ADA2: variants seen among roughly 807,000 people sequenced by gnomAD.
ADA2 encodes adenosine deaminase 2.
ADA2 carries 29 observed loss-of-function variants against 44.2 expected under a neutral mutation model. The ratio of observed to expected loss-of-function variants is 0.66; its 90% CI spans 0.49 to 0.89. ADA2 has a LOEUF of 0.89. Ranked by LOEUF, ADA2 falls within the 40% of genes least tolerant of loss-of-function variation. ADA2 has a pLI of 0.00. For synonymous variants in ADA2, 215 were observed against 234.9 expected, an observed-to-expected ratio of 0.92 and a Z score of 0.77; for missense variants, 637 against 644.8, an observed-to-expected ratio of 0.99 and a Z score of 0.13.
intron 3 of ADA2, among the ~76,000 whole-genome samples, chr22:17,204,516 A>G (rs147459014): frequency 1.4e-3 from 220 of 152,172 alleles, no homozygotes; most frequent in African/African-American, 5.2e-3. Flanking sequence ...CTAGGGAGGC[A>G]AGAGAATTGT....
intron 4 of ADA2, among the ~76,000 whole-genome samples, chr22:17,195,091 C>G (rs2062173118): frequency 6.6e-6 from 1 of 152,176 alleles, no homozygotes; most frequent in South Asian, 2.1e-4. Flanking sequence ...CCTAGAAGCC[C>G]AAACCCCTTT....
At chr22:17,203,901 A>T in intron 3 of ADA2, 128 bp from the exon 4 acceptor site, 4 of 668,376 alleles carry the variant, frequency 6.0e-6, no homozygotes, top group Non-Finnish European at 1.1e-5. Context: ...TAGAGTGGAG[A>T]TAAGGAAGGG....
chr22:17,188,685 C>A, intron 6 of ADA2: 1 of 292,242 alleles, frequency 3.4e-6, no homozygotes, highest in South Asian at 5.2e-5. Context: ...CGAGACCATC[C>A]TGGCTAACAC....
chr22:17,196,195 G>T (rs973508061), intron 4 of ADA2, among the ~76,000 whole-genome samples: 1 of 151,718 alleles, frequency 6.6e-6, no homozygotes, highest in African/African-American at 2.4e-5. Flanking sequence ...ACAAAAATTT[G>T]CTGTAATCCC....
At position 17,207,518 on chromosome 22, in the gene ADA2, G is replaced by A. The variant is rs1413293809; in HGVS notation, c.323-228C>T. Among the ~76,000 whole-genome samples, 7 of 151,964 alleles carry A rather than the reference G, an allele frequency of 4.6e-5. No homozygotes were observed. The East Asian group carries it at 1.2e-3, about 25-fold the overall frequency. On this transcript the variant is annotated intron_variant, in intron 2 of 9. Transcript: ENST00000399837. ...GTGTGGATCACAAGAAGACGTGCAA[G>A]CAGAAGGATTTCTGTCCAGACATGT...
chr22:17,202,736 AC>A (rs1330415424), intron 4 of ADA2, among the ~76,000 whole-genome samples: 1 of 147,750 alleles, frequency 6.8e-6, no homozygotes, highest in East Asian at 2.0e-4. Flanking sequence ...CCAATTCATC[AC>A]CTGTATTTCA....
At chr22:17,209,830 A>ATTC (rs2062399135) in intron 1 of ADA2, 107 bp from the exon 2 acceptor site, 2 of 636,038 alleles carry the variant, frequency 3.1e-6, no homozygotes, top group Admixed American at 5.9e-5. Flanking sequence ...ATATTGAAGG[A>ATTC]TTCTTCTTCC....
chr22:17,202,062 C>T (rs765891143), intron 4 of ADA2, among the ~76,000 whole-genome samples: 2 of 149,684 alleles, frequency 1.3e-5, no homozygotes, highest in African/African-American at 2.5e-5. Flanking sequence ...AGCTCCTCCC[C>T]CTGGGTTCAA....
chr22:17,189,274 C>A (rs1307985334), intron 6 of ADA2, among the ~76,000 whole-genome samples: 1 of 152,074 alleles, frequency 6.6e-6, no homozygotes, highest in Non-Finnish European at 1.5e-5. Flanking sequence ...GTCTCGCCCT[C>A]CCAAAGTGCT....
chr22:17,199,416 T>TCCTCCCTCCCCTCCTCTAATCCTCTTCC (rs2062241478), intron 4 of ADA2: 1 of 403,922 alleles, frequency 2.5e-6, no homozygotes, highest in African/African-American at 2.5e-5. Flanking sequence ...TCTCAGCGTC[T>TCCTCCCTCCCCTCCTCTAATCCTCTTCC]CCTCCCTCCC....
intron 7 of ADA2, among the ~76,000 whole-genome samples, chr22:17,186,958 C>A (rs1436058641): frequency 6.6e-6 from 1 of 151,690 alleles, no homozygotes; most frequent in Admixed American, 6.6e-5. Flanking sequence ...CAAGGTCAGG[C>A]GATCGAGACC....
intron 1 of ADA2, chr22:17,213,725 G>A (rs1177013922): frequency 1.6e-5 from 4 of 244,752 alleles, no homozygotes; most frequent in Non-Finnish European, 3.3e-5. Flanking sequence ...AGGAGAAGCG[G>A]CAATGGAAAG....
chr22:17,188,631 G>C, intron 6 of ADA2, 184 bp from the exon 7 acceptor site: 1 of 448,692 alleles, frequency 2.2e-6, no homozygotes, highest in Non-Finnish European at 4.0e-6. Context: ...TGTAATCCCA[G>C]CACTTTGGGA....
rs1449039285 is a variant in ADA2 at position 17,182,091 on chromosome 22, A to T, written c.1240-69T>A. The T allele has an allele frequency of 1.3e-4, 170 of 1,285,736 alleles. 1 individual carries two copies. The highest frequency in any genetic ancestry group is 3.3e-6 in the Non-Finnish European group (3 of 904,628). The allele number at this position is 1,285,736 out of a possible 1,614,324, so 79.6% of individuals were successfully genotyped here. ...AAAAAGAGTAGTCACAAGTGAGGTG[A>T]GACCTTGAGCCCCATCAGCTCCCTT... is the stretch of plus-strand genomic sequence containing the variant. On this transcript the variant is annotated intron_variant, in intron 8 of 9. Transcript: ENST00000399837.
rs757225675 is a variant in ADA2, at chr22:17,209,446, G to A, written c.232C>T (p.Leu78=). 1.9e-6 allele frequency: 3 copies of A among 1,614,152 alleles called. No homozygotes were observed. The highest frequency in any genetic ancestry group is 1.1e-5 in the South Asian group (1 of 91,070). The part of the protein sequence containing the change: ...IAEMKEAMRT[L]IFPPSMHFFQ... ...AAGTGCATGCTGGGTGGGAATATCA[G>A]GGTCCTCATGGCCTCCTTCATCTCA... is the stretch of plus-strand genomic sequence containing the variant. Residue 78 remains leucine (L), a synonymous_variant, in exon 2 of 10, where the codon CTG becomes TTG. Coordinates refer to ENST00000399837, the MANE Select transcript of ADA2 (RefSeq NM_001282225.2).
intron 1 of ADA2, among the ~76,000 whole-genome samples, chr22:17,218,364 T>C (rs2062492707): frequency 6.6e-6 from 1 of 152,176 alleles, no homozygotes; most frequent in Non-Finnish European, 1.5e-5. Context: ...ATCAGCAATA[T>C]GCAGTTATGG....
chr22:17,207,093 T>C lies in ADA2; in HGVS notation c.520A>G (p.Asn174Asp). The change falls in exon 3 of 10, where the codon AAC becomes GAC. Residue 174 changes from asparagine (N) to aspartate (D), a missense_variant. Transcript: ENST00000399837. ...LLEDYRKRVQ[N>D]VTEFDDSLLR... is the part of the protein sequence containing the mutation. ...CACCTGTCATCAAACTCAGTGACGT[T>C]CTGCACCCGCTTCCGATAATCCTCC... The C allele has an allele frequency of 6.2e-7, 1 of 1,614,216 alleles. No individual in the cohort carries two copies. Among genetic ancestry groups the C allele is most frequent in the South Asian group, 1.1e-5 (1 of 91,084 alleles).
chr22:17,180,572 G>A lies in ADA2; in HGVS notation c.*911C>T, dbSNP rs1468651724. The stretch of plus-strand genomic sequence containing the variant: ...CCAGCACTTCGGGAGACTGCGGCAG[G>A]AGGATCACTTGAGTTGGAGACCAGC... On this transcript the variant is annotated 3_prime_UTR_variant, in exon 10 of 10. Coordinates refer to ENST00000399837, the MANE Select transcript of ADA2 (RefSeq NM_001282225.2). 6.6e-6 allele frequency: 1 copy of A among 152,060 alleles called. No individual in the cohort carries two copies. Among genetic ancestry groups the A allele is most frequent in the African/African-American group, 2.4e-5 (1 of 41,390 alleles). 9.4% of individuals were successfully genotyped at this position (152,060 alleles called of 1,614,324 possible). A position where few individuals can be genotyped will look rare whatever the true frequency, so the allele number is the denominator to read the frequency against.
Position 17,178,803 on chromosome 22 carries a change from T to A in ADA2, c.*2680A>T, listed in dbSNP as rs2123587754. On this transcript the variant is annotated 3_prime_UTR_variant, in exon 10 of 10. Coordinates refer to ENST00000399837, the MANE Select transcript of ADA2 (RefSeq NM_001282225.2). ...CAAAGCACAAAGGCAAGACTATTGCTGGTTCATTTTGCCAAATCAGAGATC... is the reference window on the plus strand; with the variant it reads ...CAAAGCACAAAGGCAAGACTATTGCAGGTTCATTTTGCCAAATCAGAGATC... 6.7e-6 allele frequency: 1 copy of A among 149,738 alleles called. No homozygotes were observed. The highest frequency in any genetic ancestry group is 2.5e-5 in the African/African-American group (1 of 40,724). 9.3% of individuals were successfully genotyped at this position (149,738 alleles called of 1,614,324 possible).
Sources: allele counts gnomAD v4.1 joint callset (sites outside exome capture counted in the v4.1 genomes callset), GRCh38; gene constraint gnomAD v4.1.1; transcripts MANE v1.5; gene names NCBI Gene and HGNC (gene_info 2026-07-23, HGNC 2026-07-21).